Variants in PAK1 observed in about 807,000 individuals in gnomAD.
PAK1 encodes serine/threonine-protein kinase PAK 1.
A neutral mutation model predicts 67.4 loss-of-function variants in PAK1; 29 were observed. The ratio of observed to expected loss-of-function variants is 0.43; its 90% confidence interval spans 0.32 to 0.59. PAK1 has a LOEUF of 0.59. Among genes scored for constraint, PAK1 ranks in the 20% least tolerant of loss-of-function variants. The probability of loss-of-function intolerance (pLI) is 0.07; values close to 1 mark genes in which losing one functional copy is unlikely to be tolerated. For missense variants in PAK1, 337 were observed against 670.7 expected (o/e 0.50, Z 5.50); for synonymous variants, 223 against 237.4 (o/e 0.94, Z 0.56).
intron 1 of PAK1, among the ~76,000 whole-genome samples, chr11:77,446,091 CT>C (rs1234210632): frequency 1.1e-4 from 17 of 152,334 alleles, no homozygotes; most frequent in Middle Eastern, 3.4e-3. Flanking sequence ...TCTTAGTCAT[CT>C]TTGTATCTCT....
chr11:77,451,592 CTTTTGTTTTT>C (rs1243145522), intron 1 of PAK1, among the ~76,000 whole-genome samples: 21 of 149,962 alleles, frequency 1.4e-4, no homozygotes, highest in African/African-American at 4.0e-4. Flanking sequence ...TCGTTAATGT[CTTTTGTTTTT>C]TTTTGTTTTT....
At chr11:77,474,650 A>G (rs1958028619), upstream of PAK1, 1 of 152,198 alleles carries the variant, frequency 6.6e-6, no homozygotes, top group Non-Finnish European at 1.5e-5. Flanking sequence ...TCACAGCCAG[A>G]CATGTATTAT....
Position 77,473,867 on chromosome 11 carries a change from G to C in PAK1, c.-337C>G, listed in dbSNP as rs900826552. 2.6e-5 allele frequency: 4 copies of C among 152,156 alleles called. No individual in the cohort carries two copies. Among genetic ancestry groups the C allele is most frequent in the African/African-American group, 4.9e-5 (2 of 41,210 alleles). The allele number at this position is 152,156 out of a possible 1,614,324, so 9.4% of individuals were successfully genotyped here. On this transcript the variant is annotated 5_prime_UTR_variant, in exon 1 of 15. Transcript: ENST00000356341. Reference sequence around the variant, plus strand: ...GATGCGGAGACCAGGTTCCTCGAGGGGGCTCACGAAAGCGCGGGGCTCCGT... The same window carrying C: ...GATGCGGAGACCAGGTTCCTCGAGGCGGCTCACGAAAGCGCGGGGCTCCGT...
In PAK1 at chr11:77,462,781, G is replaced by A. The variant is rs534462662; in HGVS notation, c.-22+10771C>T. 4.7e-5 allele frequency among the ~76,000 whole-genome samples: 7 copies of A among 149,378 alleles called. No homozygotes were observed. In the East Asian group the frequency reaches 7.9e-4, roughly 17 times the overall value. ...CGGAAGGAAGAGGTTGCAGTGAGCC[G>A]AGACCGTGCCACTGCACTCCAGCCT... On this transcript the variant is annotated intron_variant, in intron 1 of 14. Transcript: ENST00000356341.
In PAK1 at chr11:77,390,711, G is replaced by A. The variant is rs568852873; in HGVS notation, c.190+1620C>T. The stretch of plus-strand genomic sequence containing the variant: ...GAGACAAGGTCTTCCTATTTTGCCC[G>A]GGCTAGTCTCAAACTCCTGAGCTCA... On this transcript the variant is annotated intron_variant, in intron 2 of 14. Coordinates refer to ENST00000356341, the MANE Select transcript of PAK1 (RefSeq NM_002576.5). 1.6e-4 allele frequency among the ~76,000 whole-genome samples: 23 copies of A among 141,890 alleles called. 1 individual carries two copies. Among genetic ancestry groups the A allele is most frequent in the East Asian group, 6.2e-4 (3 of 4,846 alleles). The allele number at this position is 141,890 out of a possible 152,430, so 93.1% of individuals were successfully genotyped here. A position where few individuals can be genotyped will look rare whatever the true frequency, so the allele number is the denominator to read the frequency against.
chr11:77,482,014 A>C, the PAK1 span, among the ~76,000 whole-genome samples: 1 of 151,600 alleles, frequency 6.6e-6, no homozygotes, highest in Non-Finnish European at 1.5e-5. Context: ...TTTGAGATGG[A>C]GTCTCGCTCT....
intron 2 of PAK1, among the ~76,000 whole-genome samples, chr11:77,380,739 G>A (rs1006863254): frequency 1.3e-5 from 2 of 152,132 alleles, no homozygotes; most frequent in Non-Finnish European, 2.9e-5. Flanking sequence ...AAGTGCAGAG[G>A]CCATGTCAAA....
chr11:77,415,719 A>G (rs1233736997), intron 1 of PAK1, among the ~76,000 whole-genome samples: 1 of 152,110 alleles, frequency 6.6e-6, no homozygotes, highest in East Asian at 1.9e-4. Context: ...AAGTGAATGG[A>G]AAGGCCTAGG....
intron 1 of PAK1, among the ~76,000 whole-genome samples, chr11:77,466,695 C>T (rs1957613670): frequency 6.6e-6 from 1 of 152,110 alleles, no homozygotes; most frequent in South Asian, 2.1e-4. Flanking sequence ...CAGTCTAGCA[C>T]ATTACAGCTT....
intron 9 of PAK1, among the ~76,000 whole-genome samples, chr11:77,347,478 C>A (rs1373961140): frequency 1.3e-5 from 2 of 152,204 alleles, no homozygotes; most frequent in Non-Finnish European, 2.9e-5. Flanking sequence ...AATAATATTA[C>A]CTACCTCATA....
the PAK1 span, among the ~76,000 whole-genome samples, chr11:77,496,099 A>C: frequency 6.6e-6 from 1 of 150,744 alleles, no homozygotes; most frequent in Non-Finnish European, 1.5e-5. Flanking sequence ...GCTCACTGCA[A>C]CCTCCGCTTC....
chr11:77,435,811 A>G (rs983536011), intron 1 of PAK1, among the ~76,000 whole-genome samples: 3 of 151,936 alleles, frequency 2.0e-5, no homozygotes, highest in Admixed American at 6.6e-5. Flanking sequence ...CCCGGCCCAC[A>G]TATTTTCTCT....
intron 2 of PAK1, among the ~76,000 whole-genome samples, chr11:77,380,861 T>G (rs1949716349): frequency 6.6e-6 from 1 of 152,096 alleles, no homozygotes; most frequent in Admixed American, 6.6e-5. Context: ...GCAAGGAGTT[T>G]AAAGAATCTG....
At chr11:77,431,912 T>C (rs1172476443) in intron 1 of PAK1, among the ~76,000 whole-genome samples, 1 of 152,214 alleles carries the variant, frequency 6.6e-6, no homozygotes, top group Non-Finnish European at 1.5e-5. Flanking sequence ...ATAAGGTCAC[T>C]CTAAAGTTCA....
chr11:77,480,335 T>C, the PAK1 span, among the ~76,000 whole-genome samples: 1 of 152,046 alleles, frequency 6.6e-6, no homozygotes, highest in African/African-American at 2.4e-5. Context: ...ATATAAACAA[T>C]TAGGTAAGCT....
chr11:77,426,969 TC>T (rs1338335963), intron 1 of PAK1, among the ~76,000 whole-genome samples: 1 of 152,052 alleles, frequency 6.6e-6, no homozygotes, highest in Non-Finnish European at 1.5e-5. Flanking sequence ...GAATGAATGA[TC>T]AGAACAAGAA....
chr11:77,348,100 A>G (rs1944705167), intron 9 of PAK1, among the ~76,000 whole-genome samples: 1 of 152,202 alleles, frequency 6.6e-6, no homozygotes, highest in East Asian at 1.9e-4. Context: ...GCCTAGTGAG[A>G]TATGTGCTAC....
the PAK1 span, among the ~76,000 whole-genome samples, chr11:77,500,782 A>G: frequency 6.6e-6 from 1 of 151,978 alleles, no homozygotes; most frequent in Non-Finnish European, 1.5e-5. Context: ...AGGTTGAGGC[A>G]GCAATGTGCT....
intron 1 of PAK1, among the ~76,000 whole-genome samples, chr11:77,463,026 CTA>C (rs1349410794): frequency 6.6e-6 from 1 of 150,468 alleles, no homozygotes; most frequent in East Asian, 2.0e-4. Flanking sequence ...AAAAAGGGTA[CTA>C]TGTTAAAACT....
Sources: gnomAD v4.1 joint callset for allele counts (sites outside exome capture counted in the v4.1 genomes callset) on GRCh38, gnomAD v4.1.1 for gene constraint, MANE v1.5 for transcripts, NCBI Gene and HGNC (gene_info 2026-07-23, HGNC 2026-07-21) for gene names.